The following TLL1 variants were observed in gnomAD, a reference collection of about 807,000 sequenced individuals.
TLL1 encodes tolloid like 1, also known as tolloid-like protein 1.
A neutral mutation model predicts 128.2 loss-of-function variants in TLL1; 49 were observed. The observed-to-expected ratio is 0.38, with a 90% CI of 0.30 to 0.48. The LOEUF (loss-of-function observed/expected upper bound fraction) is 0.48. Among genes scored for constraint, TLL1 ranks in the 20% least tolerant of loss-of-function variants. The pLI is 0.96. For synonymous variants in TLL1, 454 were observed against 418.8 expected (o/e 1.08, Z -1.03); for missense variants, 1,123 against 1,242.0 (o/e 0.90, Z 1.44).
intron 9 of TLL1, chr4:166,030,658 T>G: frequency 1.1e-6 from 1 of 916,358 alleles, no homozygotes; most frequent in Non-Finnish European, 1.4e-6. Context: ...TGTAGGTTTT[T>G]AATCAATATT....
rs1390590083 is a variant in TLL1, at chr4:166,044,694, TA to T, written c.1524+1277del. Among the ~76,000 whole-genome samples, 5 of 152,252 alleles carry T rather than the reference TA, an allele frequency of 3.3e-5. No individual in the cohort carries two copies. The South Asian group carries it at 1.0e-3, about 32-fold the overall frequency. ...AATAGACCGGTTTATTGTTGATAGTTAATTAAAATTGAGTAGAAAAATTTCA... is the reference window on the plus strand; with the variant it reads ...AATAGACCGGTTTATTGTTGATAGTTATTAAAATTGAGTAGAAAAATTTCA... On this transcript the variant is annotated intron_variant, in intron 12 of 20. Coordinates refer to ENST00000061240, the MANE Select transcript of TLL1 (RefSeq NM_012464.5).
intron 2 of TLL1, among the ~76,000 whole-genome samples, chr4:165,991,455 A>G (rs1736632257): frequency 6.6e-6 from 1 of 152,020 alleles, no homozygotes; most frequent in Non-Finnish European, 1.5e-5. Flanking sequence ...TTGCTTAGGA[A>G]TGAATGTATT....
At chr4:165,942,275 C>CTTT (rs574617625) in intron 1 of TLL1, among the ~76,000 whole-genome samples, 1 of 144,788 alleles carries the variant, frequency 6.9e-6, no homozygotes, top group African/African-American at 2.5e-5. Flanking sequence ...CACCACCCTC[C>CTTT]TTTTTTTTTT....
At chr4:166,076,804 T>A (rs1290547216) in intron 17 of TLL1, among the ~76,000 whole-genome samples, 1 of 152,142 alleles carries the variant, frequency 6.6e-6, no homozygotes, top group Non-Finnish European at 1.5e-5. Flanking sequence ...GAACTGAATT[T>A]TACCTTCCAC....
chr4:165,892,764 T>A (rs1011193507), intron 1 of TLL1, among the ~76,000 whole-genome samples: 5 of 152,204 alleles, frequency 3.3e-5, no homozygotes, highest in African/African-American at 4.8e-5. Context: ...TTGGGACAGC[T>A]TATAGTCTGA....
At chr4:165,899,474 T>C (rs1475098789) in intron 1 of TLL1, among the ~76,000 whole-genome samples, 1 of 152,210 alleles carries the variant, frequency 6.6e-6, no homozygotes, top group Non-Finnish European at 1.5e-5. Flanking sequence ...TTAATTTCGT[T>C]ATTTACCTAG....
intron 1 of TLL1, among the ~76,000 whole-genome samples, chr4:165,936,721 A>AC: frequency 1.3e-5 from 2 of 151,666 alleles, no homozygotes; most frequent in Middle Eastern, 3.4e-3. Flanking sequence ...TGAGGTCAGT[A>AC]GTTCAAGACC....
intron 12 of TLL1, 81 bp downstream of exon 12, chr4:166,043,500 C>A: frequency 6.3e-7 from 1 of 1,583,776 alleles, no homozygotes; most frequent in Non-Finnish European, 8.7e-7. Flanking sequence ...ATTAAATCAG[C>A]AAAGAAACAG....
intron 1 of TLL1, among the ~76,000 whole-genome samples, chr4:165,913,359 T>C (rs150949845): frequency 7.9e-5 from 12 of 152,318 alleles, no homozygotes; most frequent in African/African-American, 2.4e-4. Flanking sequence ...TGAGTGTTTT[T>C]GTTTGGTATC....
At chr4:165,926,456 G>A (rs548148038) in intron 1 of TLL1, among the ~76,000 whole-genome samples, 31 of 152,284 alleles carry the variant, frequency 2.0e-4, no homozygotes, top group African/African-American at 6.7e-4. Context: ...ATCTCTGGTA[G>A]AAGTTCTTAT....
chr4:165,941,063 G>A (rs7666893), intron 1 of TLL1, among the ~76,000 whole-genome samples: 17,061 of 151,896 alleles, frequency 0.11, 2,532 homozygotes, highest in African/African-American at 0.35. Context: ...TCTGAGACAG[G>A]TAGGTTTTCT....
chr4:165,958,676 A>G, intron 1 of TLL1, among the ~76,000 whole-genome samples: 1 of 138,398 alleles, frequency 7.2e-6, no homozygotes. Flanking sequence ...GTTCACTCTG[A>G]TGGTAGTTTC....
chr4:165,940,436 TGTAAG>T (rs1163895607), intron 1 of TLL1, among the ~76,000 whole-genome samples: 1 of 151,946 alleles, frequency 6.6e-6, no homozygotes, highest in African/African-American at 2.4e-5. Context: ...ATAAAACTGA[TGTAAG>T]GAAGTTGGAA....
At chr4:166,028,389 A>C (rs1738605031) in intron 9 of TLL1, among the ~76,000 whole-genome samples, 1 of 151,938 alleles carries the variant, frequency 6.6e-6, no homozygotes, top group African/African-American at 2.4e-5. Context: ...CCTTTAGGTA[A>C]AGCACTATCT....
At chr4:165,930,753 C>T (rs1321949731) in intron 1 of TLL1, among the ~76,000 whole-genome samples, 2 of 152,138 alleles carry the variant, frequency 1.3e-5, no homozygotes, top group East Asian at 1.9e-4. Context: ...ATAACAAATA[C>T]GTTTTTCTCA....
intron 1 of TLL1, among the ~76,000 whole-genome samples, chr4:165,885,843 C>G (rs1450349845): frequency 1.3e-5 from 2 of 152,234 alleles, no homozygotes; most frequent in South Asian, 4.1e-4. Flanking sequence ...GAAAATTGTT[C>G]TGGCTGAAAG....
At chr4:165,938,775 A>G (rs1733874435) in intron 1 of TLL1, among the ~76,000 whole-genome samples, 1 of 149,682 alleles carries the variant, frequency 6.7e-6, no homozygotes, top group African/African-American at 2.5e-5. Context: ...ATTTCTCCTT[A>G]AAATCTTTTT....
rs368237746 is a variant in TLL1, at chr4:166,025,300, A to AT, written c.1043-9dup. 1.5e-3 allele frequency: 2,303 copies of AT among 1,533,942 alleles called. 31 individuals carry two copies. In the African/African-American group the frequency reaches 0.027, roughly 18 times the overall value. ...TATAAATTAACCAATGATCTTATATATTTTTTTCCTTTCAGCATGTGGAGA... is the reference window on the plus strand; with the variant it reads ...TATAAATTAACCAATGATCTTATATATTTTTTTTCCTTTCAGCATGTGGAGA... On this transcript the variant is annotated splice_polypyrimidine_tract_variant and intron_variant, in intron 8 of 20. Coordinates refer to ENST00000061240, the MANE Select transcript of TLL1 (RefSeq NM_012464.5).
At chr4:166,044,220 G>A (rs1739361202) in intron 12 of TLL1, 2 of 586,174 alleles carry the variant, frequency 3.4e-6, no homozygotes, top group Non-Finnish European at 5.8e-6. Flanking sequence ...ATTGGAGATG[G>A]AGTCTTTACT....
Sources: gnomAD v4.1 joint callset for allele counts (sites outside exome capture counted in the v4.1 genomes callset) on GRCh38, gnomAD v4.1.1 for gene constraint, MANE v1.5 for transcripts, NCBI Gene and HGNC (gene_info 2026-07-23, HGNC 2026-07-21) for gene names.